Variants in PRKCA observed in about 807,000 individuals in gnomAD.
PRKCA encodes the protein protein kinase C alpha, also known as protein kinase C alpha type.
A neutral mutation model predicts 87.0 loss-of-function variants in PRKCA; 27 were observed. The observed-to-expected ratio is 0.31, with a 90% CI of 0.23 to 0.43. The LOEUF is 0.43. PRKCA is among the 20% of genes least tolerant of loss of function. The pLI is 1.00. For synonymous variants in PRKCA, 329 were observed against 311.1 expected, an observed-to-expected ratio of 1.06 and a Z score of -0.61; for missense variants, 518 against 852.3, an observed-to-expected ratio of 0.61 and a Z score of 4.88.
At chr17:66,512,357 G>C (rs1567867554) in intron 3 of PRKCA, among the ~76,000 whole-genome samples, 3 of 152,038 alleles carry the variant, frequency 2.0e-5, no homozygotes, top group Admixed American at 1.3e-4. Flanking sequence ...CAGGAGAATT[G>C]CTTGAACCTG....
chr17:66,703,187 CATA>C (rs1049795602), intron 8 of PRKCA: 9 of 152,194 alleles, frequency 5.9e-5, no homozygotes, highest in African/African-American at 2.2e-4. Context: ...AGTTTTGACT[CATA>C]ATAACACTTA....
intron 3 of PRKCA, among the ~76,000 whole-genome samples, chr17:66,547,576 CCT>C (rs1490357619): frequency 1.3e-5 from 2 of 152,104 alleles, no homozygotes; most frequent in Non-Finnish European, 2.9e-5. Context: ...CTAAATGTTC[CCT>C]TGGTAGGTGT....
At chr17:66,426,618 G>A (rs1912822746) in intron 2 of PRKCA, among the ~76,000 whole-genome samples, 1 of 152,178 alleles carries the variant, frequency 6.6e-6, no homozygotes, top group South Asian at 2.1e-4. Context: ...TGTGCTGCAA[G>A]AACCCCCGTT....
Position 66,746,615 on chromosome 17 carries a change from C to CTT in PRKCA, c.1524+3855_1524+3856insTT, listed in dbSNP as rs1974292714. On this transcript the variant is annotated intron_variant, in intron 13 of 16. Coordinates refer to ENST00000413366, the MANE Select transcript of PRKCA (RefSeq NM_002737.3). ...GTATTTATGGCTATTTGTTCAAAAA[C>CTT]CTTGAAATCGATTAATACCTTAGCG... 3.3e-5 allele frequency among the ~76,000 whole-genome samples: 5 copies of CTT among 152,110 alleles called. 1 individual carries two copies. The highest frequency in any genetic ancestry group is 3.3e-4 in the Admixed American group (5 of 15,230).
chr17:66,318,809 C>G (rs1378839540), intron 2 of PRKCA, among the ~76,000 whole-genome samples: 1 of 151,546 alleles, frequency 6.6e-6, no homozygotes, highest in Non-Finnish European at 1.5e-5. Flanking sequence ...GAGCCAAGAT[C>G]ACGCCACTGT....
At chr17:66,454,179 T>C (rs1914472526) in intron 2 of PRKCA, among the ~76,000 whole-genome samples, 1 of 152,220 alleles carries the variant, frequency 6.6e-6, no homozygotes, top group Admixed American at 6.5e-5. Context: ...CCCACTGCCC[T>C]CTCTGGGCAG....
In PRKCA at chr17:66,559,315, A is replaced by C. The variant is rs564703223; in HGVS notation, c.288+63032A>C. Among the ~76,000 whole-genome samples the C allele has an allele frequency of 4.0e-5, 6 of 151,608 alleles. No homozygotes were observed. In the East Asian group the frequency reaches 1.2e-3, roughly 29 times the overall value. On this transcript the variant is annotated intron_variant, in intron 3 of 16. Coordinates refer to ENST00000413366, the MANE Select transcript of PRKCA (RefSeq NM_002737.3). ...GTGAAACCCTGTCTCTCCTAAAAAT[A>C]CAAAAAAAAAATGAGCTGGGCGTGG...
intron 3 of PRKCA, among the ~76,000 whole-genome samples, chr17:66,584,207 G>C (rs1969527665): frequency 6.6e-6 from 1 of 151,952 alleles, no homozygotes. Context: ...TTTGGTTTTT[G>C]TTTGTTTGTT....
intron 13 of PRKCA, among the ~76,000 whole-genome samples, chr17:66,751,846 C>T (rs956197735): frequency 6.6e-6 from 1 of 152,186 alleles, no homozygotes; most frequent in Admixed American, 6.5e-5. Flanking sequence ...GCAGGCACAT[C>T]TTCCATAGCC....
chr17:66,618,285 G>A (rs910457399), intron 3 of PRKCA, among the ~76,000 whole-genome samples: 2 of 151,514 alleles, frequency 1.3e-5, no homozygotes, highest in Non-Finnish European at 2.9e-5. Flanking sequence ...AACCCAGGAG[G>A]CAGAGGTTGC....
intron 2 of PRKCA, among the ~76,000 whole-genome samples, chr17:66,450,054 A>C (rs118138732): frequency 6.6e-6 from 1 of 152,058 alleles, no homozygotes; most frequent in African/African-American, 2.4e-5. Flanking sequence ...TAGCCACAAT[A>C]GAATGTCATT....
chr17:66,735,684 G>T, intron 10 of PRKCA, 22 bp downstream of exon 10: 1 of 1,609,162 alleles, frequency 6.2e-7, no homozygotes, highest in Non-Finnish European at 8.5e-7. Context: ...GGGAATCCCT[G>T]CGATGCAGTA....
At chr17:66,355,582 T>G (rs186910229) in intron 2 of PRKCA, among the ~76,000 whole-genome samples, 1 of 152,198 alleles carries the variant, frequency 6.6e-6, no homozygotes, top group Non-Finnish European at 1.5e-5. Context: ...ATTTCGACTT[T>G]TGAGAGTCAG....
At chr17:66,709,692 TC>T (rs1480789249) in intron 8 of PRKCA, among the ~76,000 whole-genome samples, 2 of 151,198 alleles carry the variant, frequency 1.3e-5, no homozygotes, top group East Asian at 1.9e-4. Context: ...TTTTTTTTTT[TC>T]CCTTTTTCTT....
intron 14 of PRKCA, chr17:66,775,646 A>T: frequency 1.0e-6 from 1 of 985,446 alleles, no homozygotes; most frequent in Non-Finnish European, 1.2e-6. Context: ...ATGGAAAGAG[A>T]TGGCCATGCT....
chr17:66,801,009 ATAAG>A, intron 16 of PRKCA, among the ~76,000 whole-genome samples: 1 of 152,220 alleles, frequency 6.6e-6, no homozygotes, highest in Non-Finnish European at 1.5e-5. Context: ...CTTCCAGGCA[ATAAG>A]CATTGATGAA....
chr17:66,583,192 A>T (rs2143479506), intron 3 of PRKCA, among the ~76,000 whole-genome samples: 1 of 152,250 alleles, frequency 6.6e-6, no homozygotes, highest in Non-Finnish European at 1.5e-5. Flanking sequence ...GAGATAGTTG[A>T]GGTTCCCGGG....
intron 1 of PRKCA, among the ~76,000 whole-genome samples, chr17:66,305,290 C>T (rs1006698726): frequency 1.4e-4 from 21 of 152,282 alleles, no homozygotes; most frequent in African/African-American, 4.8e-4. Context: ...GGGGATGACT[C>T]TAAGTTAATT....
At chr17:66,443,648 C>T (rs1314270984) in intron 2 of PRKCA, among the ~76,000 whole-genome samples, 2 of 152,158 alleles carry the variant, frequency 1.3e-5, no homozygotes, top group Non-Finnish European at 2.9e-5. Flanking sequence ...TGAAACGGGA[C>T]AGGCCCTTGG....
Sources: gnomAD v4.1 joint callset for allele counts (sites outside exome capture counted in the v4.1 genomes callset) on GRCh38, gnomAD v4.1.1 for gene constraint, MANE v1.5 for transcripts, NCBI Gene and HGNC (gene_info 2026-07-23, HGNC 2026-07-21) for gene names.